The following VWF variants were observed in gnomAD, a reference collection of about 807,000 sequenced individuals.
VWF encodes Factor VIII related antigen.
Under a neutral mutation model 308.6 loss-of-function variants are expected in VWF, and 176 were observed. The ratio of observed to expected loss-of-function variants is 0.57; its 90% CI spans 0.50 to 0.65. The LOEUF is 0.65. Among genes scored for constraint, VWF ranks in the 30% least tolerant of loss-of-function variants. The pLI is 0.00. For synonymous variants in VWF, 1,385 were observed against 1,443.4 expected (o/e 0.96, Z 0.92); for missense variants, 3,146 against 3,648.2 (o/e 0.86, Z 3.55).
At chr12:6,098,890 C>G (rs558273785) in intron 5 of VWF, among the ~76,000 whole-genome samples, 16 of 152,068 alleles carry the variant, frequency 1.1e-4, no homozygotes, top group African/African-American at 3.9e-4. Context: ...ATCTTGCCAA[C>G]GAAGGGGTGT....
Position 5,983,230 on chromosome 12 carries a change from A to G in VWF, c.7001T>C (p.Leu2334Pro). The stretch of plus-strand genomic sequence containing the variant: ...ACGTTCACAGTGAGGCACTGGGGGC[A>G]GGTCACAGCTCACTGGGTCACACAC... The part of the protein sequence containing the change: ...ECVCDPVSCD[L>P]PPVPHCERGL... The change falls in exon 41 of 52, where the codon CTG becomes CCG. Residue 2334 changes from leucine (L) to proline (P), a missense_variant. By Grantham distance (98) the Leu-to-Pro change is moderately conservative. Around this residue, in one of 3 missense-constraint regions of VWF, gnomAD observed 989 missense variants for 1,117.4 expected, o/e 0.89. Coordinates refer to ENST00000261405, the MANE Select transcript of VWF (RefSeq NM_000552.5). 6.2e-7 allele frequency: 1 copy of G among 1,614,092 alleles called. No individual in the cohort carries two copies. The highest frequency in any genetic ancestry group is 8.5e-7 in the Non-Finnish European group (1 of 1,179,982).
chr12:6,095,559 G>A lies in VWF; in HGVS notation c.558C>T (p.Asp186=). ...QEGTLTSDPY[D]FANSWALSSG... ...TGCTCAGAGCCCATGAGTTGGCAAA[G>A]TCATAAGGGTCCGAGGTCAAGGTCC... Residue 186 remains aspartate, a synonymous_variant, in exon 6 of 52, where the codon GAC becomes GAT. Transcript: ENST00000261405. 6.2e-7 allele frequency: 1 copy of A among 1,614,232 alleles called. No individual in the cohort carries two copies. Among genetic ancestry groups the A allele is most frequent in the Non-Finnish European group, 8.5e-7 (1 of 1,180,034 alleles).
In VWF at chr12:6,016,862, G is replaced by A; in HGVS notation, c.5062C>T (p.Gln1688Ter). ...AGGAGAAGGATCACGTCCAGGGGCT[G>A]GCTGCAGTCTGCAAAGACAACCAGG... is the stretch of plus-strand genomic sequence containing the variant. ...PTLSPAPDCS[Q>*]PLDVILLLDG... The change falls in exon 29 of 52, where the codon CAG becomes TAG. Residue 1688 changes from glutamine to a stop codon, truncating the protein, a stop_gained. Transcript: ENST00000261405. LOFTEE classifies it high-confidence loss of function. 6.2e-7 allele frequency: 1 copy of A among 1,614,006 alleles called. No homozygotes were observed.
chr12:6,102,678 T>C (rs1591919037), intron 5 of VWF, among the ~76,000 whole-genome samples: 1 of 151,008 alleles, frequency 6.6e-6, no homozygotes, highest in East Asian at 2.0e-4. Flanking sequence ...GACCTTGCAG[T>C]GAGCCGAGAT....
intron 6 of VWF, among the ~76,000 whole-genome samples, chr12:6,083,720 A>T (rs3819538): frequency 6.6e-6 from 1 of 152,034 alleles, no homozygotes; most frequent in African/African-American, 2.4e-5. Flanking sequence ...TCCCACCCCC[A>T]CGGGGCACAG....
chr12:5,983,885 G>C (rs1354087683), intron 40 of VWF, among the ~76,000 whole-genome samples: 2 of 151,438 alleles, frequency 1.3e-5, no homozygotes, highest in African/African-American at 4.9e-5. Context: ...AGATACATAG[G>C]ATAGATAGAG....
In VWF at chr12:6,019,827, T is replaced by TG; in HGVS notation, c.3675-85_3675-84insC. On this transcript the variant is annotated intron_variant, in intron 27 of 51. Coordinates refer to ENST00000261405, the MANE Select transcript of VWF (RefSeq NM_000552.5). This position sits in a 1 kb window ranked among gnomAD's most constrained non-coding sequence, Gnocchi z 5.8. ...GCCCTACAGTGTACAATGACTTCCA[T>TG]ATTCCCACAGAATCTCCTCTGTTCC... The TG allele has an allele frequency of 1.4e-6, 2 of 1,421,032 alleles. No homozygotes were observed. The highest frequency in any genetic ancestry group is 1.9e-6 in the Non-Finnish European group (2 of 1,040,804). 88.0% of individuals were successfully genotyped at this position (1,421,032 alleles called of 1,614,324 possible).
intron 22 of VWF, 56 bp downstream of exon 22, chr12:6,029,286 C>T: frequency 1.2e-6 from 2 of 1,611,218 alleles, no homozygotes; most frequent in Non-Finnish European, 1.7e-6. Flanking sequence ...GATCAGGGAG[C>T]AGAAAACACT....
intron 9 of VWF, 74 bp downstream of exon 9, chr12:6,072,257 A>C: frequency 1.4e-6 from 2 of 1,394,018 alleles, no homozygotes; most frequent in Non-Finnish European, 2.0e-6. Context: ...ACCTGCCACC[A>C]CCCCTGCTGA....
chr12:6,073,758 A>G lies in VWF; in HGVS notation c.875-17T>C, dbSNP rs760329934. 1 of 1,613,660 alleles carries G rather than the reference A, an allele frequency of 6.2e-7. No homozygotes were observed. Among genetic ancestry groups the G allele is most frequent in the Non-Finnish European group, 8.5e-7 (1 of 1,179,912 alleles). Reference sequence around the variant, plus strand: ...ACACTGGGCCTGAAAAGGAACATCAAAGGGGTCTACCCAGGGCAGGTCCCA... The same window carrying G: ...ACACTGGGCCTGAAAAGGAACATCAGAGGGGTCTACCCAGGGCAGGTCCCA... On this transcript the variant is annotated splice_polypyrimidine_tract_variant and intron_variant, in intron 7 of 51. Coordinates refer to ENST00000261405, the MANE Select transcript of VWF (RefSeq NM_000552.5).
intron 14 of VWF, among the ~76,000 whole-genome samples, chr12:6,057,339 C>T (rs114898208): frequency 0.059 from 6,961 of 117,678 alleles, 516 homozygotes; most frequent in African/African-American, 0.22. Context: ...TGGAGAGACA[C>T]GGTCTTGCTC....
chr12:6,043,272 C>A (rs979193315), intron 18 of VWF, among the ~76,000 whole-genome samples: 8 of 152,216 alleles, frequency 5.3e-5, no homozygotes, highest in Non-Finnish European at 8.8e-5. Context: ...TCACACACTG[C>A]AATCCCAGCC....
rs142216661 is a variant in VWF at position 6,063,779 on chromosome 12, T to C, written c.1432+467A>G. Reference sequence around the variant, plus strand: ...AACCCAGGTGAAGATACTGGACAGGTAGGTTTTTTGCTACCTCTAGACAGG... The same window carrying C: ...AACCCAGGTGAAGATACTGGACAGGCAGGTTTTTTGCTACCTCTAGACAGG... On this transcript the variant is annotated intron_variant, in intron 12 of 51. Transcript: ENST00000261405. This position sits in a 1 kb window ranked among gnomAD's most constrained non-coding sequence, Gnocchi z 4.9. 6.6e-6 allele frequency among the ~76,000 whole-genome samples: 1 copy of C among 152,226 alleles called. No individual in the cohort carries two copies. Among genetic ancestry groups the C allele is most frequent in the African/African-American group, 2.4e-5 (1 of 41,536 alleles).
chr12:6,117,208 C>T (rs933412654), intron 3 of VWF, among the ~76,000 whole-genome samples: 2 of 152,206 alleles, frequency 1.3e-5, no homozygotes, highest in African/African-American at 4.8e-5. Flanking sequence ...TTCACAAGGG[C>T]AAACAGCTTA....
At chr12:6,018,009 C>T (rs1591861596) in intron 28 of VWF, among the ~76,000 whole-genome samples, 1 of 151,410 alleles carries the variant, frequency 6.6e-6, no homozygotes, top group Non-Finnish European at 1.5e-5. Flanking sequence ...ACCTTGAAGG[C>T]AGAGGGTGGA....
At chr12:5,989,962 A>G (rs751879498) in intron 38 of VWF, among the ~76,000 whole-genome samples, 1 of 152,254 alleles carries the variant, frequency 6.6e-6, no homozygotes, top group African/African-American at 2.4e-5. Flanking sequence ...GCAGGAGCTC[A>G]GGAGCTATAC....
At chr12:5,989,259 T>C (rs777485306) in intron 38 of VWF, among the ~76,000 whole-genome samples, 1 of 152,214 alleles carries the variant, frequency 6.6e-6, no homozygotes, top group Non-Finnish European at 1.5e-5. Context: ...ACAAGAGCTA[T>C]GAAAACTAGT....
Position 6,043,918 on chromosome 12 carries a change from A to G in VWF, c.2442+373T>C, listed in dbSNP as rs555726005. 5.3e-5 allele frequency among the ~76,000 whole-genome samples: 8 copies of G among 152,332 alleles called. No individual in the cohort carries two copies. The East Asian group carries it at 1.3e-3, about 26-fold the overall frequency. ...ATACGTCAATCATATGCAAATATAT[A>G]TGTGTCCCTCCATTTTCATAGCATG... On this transcript the variant is annotated intron_variant, in intron 18 of 51. Coordinates refer to ENST00000261405, the MANE Select transcript of VWF (RefSeq NM_000552.5).
chr12:6,032,037 A>G (rs192301489), intron 20 of VWF, among the ~76,000 whole-genome samples: 56 of 152,264 alleles, frequency 3.7e-4, no homozygotes, highest in African/African-American at 1.3e-3. Flanking sequence ...GGAACCAAAG[A>G]TGGTTTGACA....
Sources: allele counts gnomAD v4.1 joint callset (sites outside exome capture counted in the v4.1 genomes callset), GRCh38; gene constraint gnomAD v4.1.1; regional missense constraint gnomAD v4.1.1; non-coding constraint Gnocchi (gnomAD v3.1); transcripts MANE v1.5; gene names NCBI Gene and HGNC (gene_info 2026-07-23, HGNC 2026-07-21).